Variants in ATAD2B observed in about 807,000 individuals in gnomAD.
ATAD2B encodes ATPase family AAA domain containing 2B, also known as ATPase family AAA domain-containing protein 2B.
A neutral mutation model predicts 167.6 loss-of-function variants in ATAD2B; 40 were observed. The ratio of observed to expected loss-of-function variants is 0.24; its 90% CI spans 0.19 to 0.31. ATAD2B has a LOEUF of 0.31. Ranked by LOEUF, ATAD2B falls within the 10% of genes least tolerant of loss-of-function variation. The pLI, the probability that ATAD2B is intolerant of heterozygous loss-of-function variation, is 1.00. For synonymous variants in ATAD2B, 579 were observed against 596.5 expected (o/e 0.97, Z 0.43); for missense variants, 1,242 against 1,757.2 (o/e 0.71, Z 5.24).
the ATAD2B span, among the ~76,000 whole-genome samples, chr2:23,723,787 A>C: frequency 6.6e-6 from 1 of 152,228 alleles, no homozygotes; most frequent in South Asian, 2.1e-4. Flanking sequence ...AAAGGAAATC[A>C]TTATATTGGA....
chr2:23,684,354 A>C, the ATAD2B span: 13 of 1,316,424 alleles, frequency 9.9e-6, no homozygotes, highest in South Asian at 2.3e-5. The surrounding 1 kb of genome is among the most constrained non-coding windows in gnomAD (Gnocchi z 4.4). Flanking sequence ...AAAAAAAAAA[A>C]CTCTTAATGG....
chr2:23,805,537 G>C (rs1439061178), intron 18 of ATAD2B, among the ~76,000 whole-genome samples: 1 of 152,076 alleles, frequency 6.6e-6, no homozygotes. Context: ...AATTACACAC[G>C]ACACAGTGAC....
rs56709973 is a variant in ATAD2B at position 23,795,835 on chromosome 2, C to T, written c.2640+2303G>A. On this transcript the variant is annotated intron_variant, in intron 19 of 27. Transcript: ENST00000238789. ...TGGTGGTTGCAGTGAGCCAAGATCACGCCACTACACTCCAGCCTGGGTGGC... is the reference window on the plus strand; with the variant it reads ...TGGTGGTTGCAGTGAGCCAAGATCATGCCACTACACTCCAGCCTGGGTGGC... 2.8e-3 allele frequency among the ~76,000 whole-genome samples: 428 copies of T among 151,198 alleles called. 14 individuals carry two copies. The East Asian group carries it at 0.063, about 22-fold the overall frequency.
chr2:23,714,584 G>C, the ATAD2B span, among the ~76,000 whole-genome samples: 1 of 151,092 alleles, frequency 6.6e-6, no homozygotes, highest in Non-Finnish European at 1.5e-5. Context: ...GCCAGGTGCA[G>C]TAGCTCACGC....
At chr2:23,784,271 C>T (rs957320944) in intron 21 of ATAD2B, among the ~76,000 whole-genome samples, 11 of 151,996 alleles carry the variant, frequency 7.2e-5, no homozygotes, top group African/African-American at 2.7e-4. Flanking sequence ...TAAAGTTTTG[C>T]TTTCTCTGCA....
chr2:23,819,473 AGAGT>A (rs1281948114), intron 17 of ATAD2B, among the ~76,000 whole-genome samples: 1 of 146,578 alleles, frequency 6.8e-6, no homozygotes, highest in East Asian at 2.0e-4. Flanking sequence ...CCTGGGTGAC[AGAGT>A]GAGACTCTGC....
In ATAD2B at chr2:23,752,149, C is replaced by T. The variant is rs139944736; in HGVS notation, c.4336-62G>A. ...GGAAAGACAAAAGTGTTCCTCATTACGGAAGAATTCACTTTAAATTTTTAG... is the reference window on the plus strand; with the variant it reads ...GGAAAGACAAAAGTGTTCCTCATTATGGAAGAATTCACTTTAAATTTTTAG... On this transcript the variant is annotated intron_variant, in intron 27 of 27. Coordinates refer to ENST00000238789, the MANE Select transcript of ATAD2B (RefSeq NM_017552.4). 60 of 1,199,786 alleles carry T rather than the reference C, an allele frequency of 5.0e-5. No individual in the cohort carries two copies. In the Admixed American group the frequency reaches 6.8e-4, roughly 14 times the overall value. 74.3% of individuals were successfully genotyped at this position (1,199,786 alleles called of 1,614,324 possible).
chr2:23,822,981 CTATTAT>C (rs1032970062), intron 16 of ATAD2B, among the ~76,000 whole-genome samples: 1 of 145,958 alleles, frequency 6.9e-6, no homozygotes, highest in Non-Finnish European at 1.5e-5. Flanking sequence ...AAAGGTTAAC[CTATTAT>C]TATTATTATT....
chr2:23,926,476 C>T (rs1314251723), intron 1 of ATAD2B, 79 bp downstream of exon 1: 3 of 1,496,300 alleles, frequency 2.0e-6, no homozygotes, highest in East Asian at 2.5e-5. Flanking sequence ...AGGCTTCCTA[C>T]CCCCAACCCG....
the ATAD2B span, among the ~76,000 whole-genome samples, chr2:23,716,291 G>C: frequency 2.0e-5 from 3 of 152,202 alleles, no homozygotes; most frequent in African/African-American, 7.2e-5. Flanking sequence ...TTGAGCCTAT[G>C]ATCTTCTTTG....
At chr2:23,699,264 G>A in the ATAD2B span, among the ~76,000 whole-genome samples, 3 of 152,154 alleles carry the variant, frequency 2.0e-5, no homozygotes, top group African/African-American at 4.8e-5. Context: ...AGCAGGCCCC[G>A]TATGCCTCCC....
At chr2:23,754,892 A>G (rs1411968828) in intron 25 of ATAD2B, 118 bp from the exon 26 acceptor site, 7 of 1,040,726 alleles carry the variant, frequency 6.7e-6, no homozygotes, top group Non-Finnish European at 8.0e-6. Flanking sequence ...GGAAGGGTGT[A>G]TTCTTAAGTG....
chr2:23,920,302 G>A (rs1358567536), intron 1 of ATAD2B, among the ~76,000 whole-genome samples: 5 of 152,170 alleles, frequency 3.3e-5, no homozygotes, highest in African/African-American at 1.2e-4. Flanking sequence ...AGGACCAGAA[G>A]TCTTACCACA....
At chr2:23,911,873 G>T (rs1170126323) in intron 1 of ATAD2B, among the ~76,000 whole-genome samples, 3 of 151,702 alleles carry the variant, frequency 2.0e-5, no homozygotes, top group Non-Finnish European at 4.4e-5. Context: ...TACTCAGGAG[G>T]CTGGGGCAGG....
chr2:23,869,792 A>T (rs1444600865), intron 8 of ATAD2B, 31 bp from the exon 9 acceptor site: 3 of 1,426,730 alleles, frequency 2.1e-6, no homozygotes, highest in South Asian at 2.6e-5. Flanking sequence ...CCTTAAAACC[A>T]TTATAATAGC....
chr2:23,914,810 T>A (rs983446577), intron 1 of ATAD2B, among the ~76,000 whole-genome samples: 2 of 145,666 alleles, frequency 1.4e-5, no homozygotes, highest in East Asian at 2.0e-4. Context: ...GCCACTGCAC[T>A]CCAGCCTGGG....
chr2:23,769,353 T>C (rs1329365506), intron 22 of ATAD2B, among the ~76,000 whole-genome samples: 4 of 151,792 alleles, frequency 2.6e-5, no homozygotes, highest in Admixed American at 1.3e-4. Context: ...AGGCAGAGAA[T>C]TGCTTGAACC....
intron 27 of ATAD2B, among the ~76,000 whole-genome samples, chr2:23,753,492 T>C (rs1010741954): frequency 7.2e-5 from 11 of 152,084 alleles, no homozygotes; most frequent in African/African-American, 2.4e-4. Context: ...TGTGGGTAGA[T>C]GAGTGATTAC....
Position 23,758,117 on chromosome 2 carries a change from G to A in ATAD2B, c.3395-16C>T, listed in dbSNP as rs1274751224. 5.3e-6 allele frequency: 8 copies of A among 1,514,098 alleles called. No homozygotes were observed. Among genetic ancestry groups the A allele is most frequent in the East Asian group, 2.3e-5 (1 of 43,306 alleles). 93.8% of individuals were successfully genotyped at this position (1,514,098 alleles called of 1,614,324 possible). On this transcript the variant is annotated splice_polypyrimidine_tract_variant and intron_variant, in intron 24 of 27. Coordinates refer to ENST00000238789, the MANE Select transcript of ATAD2B (RefSeq NM_017552.4). The stretch of plus-strand genomic sequence containing the variant: ...CGAACCCGAACTGTTTTACAAGGAA[G>A]GAAAAAAGATATGTAGAACTTGGAA...
Sources: allele counts gnomAD v4.1 joint callset (sites outside exome capture counted in the v4.1 genomes callset), GRCh38; gene constraint gnomAD v4.1.1; non-coding constraint Gnocchi (gnomAD v3.1); transcripts MANE v1.5; gene names NCBI Gene and HGNC (gene_info 2026-07-23, HGNC 2026-07-21).